The following SFMBT2 variants were observed in gnomAD, a reference collection of about 807,000 sequenced individuals.
The protein encoded by SFMBT2 is scm-like with four MBT domains protein 2.
SFMBT2 carries 38 observed loss-of-function variants against 110.1 expected under a neutral mutation model. The ratio of observed to expected loss-of-function variants is 0.35; its 90% confidence interval spans 0.27 to 0.45. The LOEUF is 0.45. SFMBT2 is among the 20% of genes least tolerant of loss of function. The pLI, the probability that SFMBT2 is intolerant of heterozygous loss-of-function variation, is 1.00. For synonymous variants in SFMBT2, 425 were observed against 425.4 expected (o/e 1.00, Z 0.01); for missense variants, 1,011 against 1,094.9 (o/e 0.92, Z 1.08).
At position 7,248,286 on chromosome 10, in the gene SFMBT2, G is replaced by A. The variant is rs373557933; in HGVS notation, c.972+262C>T. Among the ~76,000 whole-genome samples, 7 of 152,184 alleles carry A rather than the reference G, an allele frequency of 4.6e-5. No individual in the cohort carries two copies. The East Asian group carries it at 5.8e-4, about 13-fold the overall frequency. On this transcript the variant is annotated intron_variant, in intron 8 of 20. Coordinates refer to ENST00000397167, the MANE Select transcript of SFMBT2 (RefSeq NM_001387889.1). ...TTGTAATGATTACAACCTGCAACTCGTCAGTGGACAACTATCAGAAGACAA... is the reference window on the plus strand; with the variant it reads ...TTGTAATGATTACAACCTGCAACTCATCAGTGGACAACTATCAGAAGACAA...
intron 4 of SFMBT2, among the ~76,000 whole-genome samples, chr10:7,309,774 T>A (rs1564432648): frequency 6.6e-6 from 1 of 152,146 alleles, no homozygotes; most frequent in Non-Finnish European, 1.5e-5. Context: ...GCCTCTTACA[T>A]CCATAATAAT....
chr10:7,346,262 T>G (rs914731197), intron 4 of SFMBT2, among the ~76,000 whole-genome samples: 1 of 152,270 alleles, frequency 6.6e-6, no homozygotes, highest in Non-Finnish European at 1.5e-5. Flanking sequence ...TTTGTTTTAC[T>G]TCTAGACACT....
intron 1 of SFMBT2, among the ~76,000 whole-genome samples, chr10:7,402,471 C>G (rs527968887): frequency 2.6e-5 from 4 of 152,282 alleles, no homozygotes; most frequent in African/African-American, 9.6e-5. Context: ...TCTGAATTCC[C>G]AGGACTTGGT....
At chr10:7,353,041 A>G (rs775638424) in intron 4 of SFMBT2, among the ~76,000 whole-genome samples, 17 of 151,726 alleles carry the variant, frequency 1.1e-4, no homozygotes, top group African/African-American at 3.4e-4. Flanking sequence ...ATAAATAAAT[A>G]AAATAAGTAC....
At chr10:7,230,089 C>T (rs1241873535) in intron 9 of SFMBT2, among the ~76,000 whole-genome samples, 1 of 151,804 alleles carries the variant, frequency 6.6e-6, no homozygotes, top group African/African-American at 2.4e-5. Context: ...TTCTTGGGTC[C>T]CAGAGACTGA....
intron 2 of SFMBT2, among the ~76,000 whole-genome samples, chr10:7,378,606 T>C (rs1588495473): frequency 1.9e-5 from 2 of 103,710 alleles, no homozygotes; most frequent in Non-Finnish European, 3.9e-5. Context: ...GTGGGGTGGG[T>C]GTGAGTGTGG....
intron 7 of SFMBT2, among the ~76,000 whole-genome samples, chr10:7,254,822 G>A (rs1041746487): frequency 6.6e-6 from 1 of 152,070 alleles, no homozygotes; most frequent in South Asian, 2.1e-4. Context: ...GCAAGACTCC[G>A]TCTAAAAAAA....
chr10:7,342,414 T>TTTTC (rs1445617232), intron 4 of SFMBT2, among the ~76,000 whole-genome samples: 7 of 136,094 alleles, frequency 5.1e-5, no homozygotes, highest in African/African-American at 1.4e-4. Context: ...TTTTTTTTTT[T>TTTTC]TTTTTTTTTT....
In SFMBT2 at chr10:7,367,342, ACCCT is replaced by A. The variant is rs1844941103; in HGVS notation, c.436+303_436+306del. ...GATGTCCTTTCAGCCTTCCTTTCTT[ACCCT>A]CCAATTCCTGATGTCCTTTCAGCCT... On this transcript the variant is annotated intron_variant, in intron 4 of 20. Transcript: ENST00000397167. The surrounding 1 kb of genome is among the most constrained non-coding windows in gnomAD (Gnocchi z 6.2). Among the ~76,000 whole-genome samples the A allele has an allele frequency of 7.0e-6, 1 of 143,754 alleles. No individual in the cohort carries two copies. Among genetic ancestry groups the A allele is most frequent in the Non-Finnish European group, 1.5e-5 (1 of 66,732 alleles). The allele number at this position is 143,754 out of a possible 152,430, so 94.3% of individuals were successfully genotyped here.
intron 1 of SFMBT2, among the ~76,000 whole-genome samples, chr10:7,390,827 C>T (rs559580729): frequency 6.6e-6 from 1 of 152,298 alleles, no homozygotes; most frequent in Non-Finnish European, 1.5e-5. Context: ...AGGCCTGGTG[C>T]GTTGGCTCAT....
At chr10:7,179,185 G>A (rs960877895) in intron 16 of SFMBT2, among the ~76,000 whole-genome samples, 3 of 151,750 alleles carry the variant, frequency 2.0e-5, no homozygotes, top group African/African-American at 7.3e-5. Flanking sequence ...CTGATGGGTC[G>A]AGCTTGACTT....
chr10:7,181,996 A>C (rs1243379547), intron 16 of SFMBT2, among the ~76,000 whole-genome samples: 1 of 152,146 alleles, frequency 6.6e-6, no homozygotes, highest in Admixed American at 6.5e-5. Flanking sequence ...CAGGGGTTTG[A>C]GCTCCACGTG....
In SFMBT2 at chr10:7,204,369, C is replaced by T. The variant is rs1342843073; in HGVS notation, c.1444+1446G>A. 4.1e-6 allele frequency: 4 copies of T among 985,240 alleles called. No homozygotes were observed. The South Asian group carries it at 1.4e-4, about 35-fold the overall frequency. 61.0% of individuals were successfully genotyped at this position (985,240 alleles called of 1,614,324 possible). On this transcript the variant is annotated intron_variant, in intron 12 of 20. Coordinates refer to ENST00000397167, the MANE Select transcript of SFMBT2 (RefSeq NM_001387889.1). Reference sequence around the variant, plus strand: ...TCTACAGAAGTGGCCACAGAACAGGCTGTTAGGAAGAAGTAAAGTTGGTGC... The same window carrying T: ...TCTACAGAAGTGGCCACAGAACAGGTTGTTAGGAAGAAGTAAAGTTGGTGC...
intron 7 of SFMBT2, chr10:7,249,082 G>A (rs1840715255): frequency 1.0e-6 from 1 of 980,714 alleles, no homozygotes; most frequent in African/African-American, 1.8e-5. Flanking sequence ...CACCTCCCGT[G>A]TCTAAGAGCA....
At position 7,247,068 on chromosome 10, in the gene SFMBT2, T is replaced by C. The variant is rs145582767; in HGVS notation, c.972+1480A>G. Among the ~76,000 whole-genome samples the C allele has an allele frequency of 6.3e-4, 96 of 152,328 alleles. 1 individual carries two copies. The highest frequency in any genetic ancestry group is 3.4e-3 in the Middle Eastern group (1 of 294). Reference sequence around the variant, plus strand: ...CCAGATTATAAAGCAAAAGCCAATATATTTTTCTTTAAATAACCTTAAATA... The same window carrying C: ...CCAGATTATAAAGCAAAAGCCAATACATTTTTCTTTAAATAACCTTAAATA... On this transcript the variant is annotated intron_variant, in intron 8 of 20. Transcript: ENST00000397167.
At chr10:7,410,744 T>TC (rs1392318331) in intron 1 of SFMBT2, among the ~76,000 whole-genome samples, 117 bp downstream of exon 1, 6 of 150,588 alleles carry the variant, frequency 4.0e-5, no homozygotes, top group Admixed American at 2.6e-4. Flanking sequence ...TTTTTTTTTT[T>TC]TCCTTTTTTT....
chr10:7,163,559 C>T lies in SFMBT2; in HGVS notation c.*211G>A. ...GGCAGGGTCTGATGCATGACTTTAA[C>T]TGGCACTCCCCAGAAGCGACTGCTG... is the stretch of plus-strand genomic sequence containing the variant. On this transcript the variant is annotated 3_prime_UTR_variant, in exon 21 of 21. Coordinates refer to ENST00000397167, the MANE Select transcript of SFMBT2 (RefSeq NM_001387889.1). This position sits in a 1 kb window ranked among gnomAD's most constrained non-coding sequence, Gnocchi z 4.8. The T allele has an allele frequency of 1.9e-6, 1 of 526,400 alleles. No individual in the cohort carries two copies. Among genetic ancestry groups the T allele is most frequent in the Non-Finnish European group, 3.4e-6 (1 of 298,140 alleles). 32.6% of individuals were successfully genotyped at this position (526,400 alleles called of 1,614,324 possible). A position where few individuals can be genotyped will look rare whatever the true frequency, so the allele number is the denominator to read the frequency against.
Position 7,187,774 on chromosome 10 carries a change from G to A in SFMBT2, c.1808+850C>T, listed in dbSNP as rs554847288. On this transcript the variant is annotated intron_variant, in intron 16 of 20. Coordinates refer to ENST00000397167, the MANE Select transcript of SFMBT2 (RefSeq NM_001387889.1). ...AATTTTCACTATGAATAGGGCAGGTGCCTTCTCTAAAGGAGGCTTAGATAT... is the reference window on the plus strand; with the variant it reads ...AATTTTCACTATGAATAGGGCAGGTACCTTCTCTAAAGGAGGCTTAGATAT... 2.6e-5 allele frequency among the ~76,000 whole-genome samples: 4 copies of A among 152,274 alleles called. No homozygotes were observed. In the East Asian group the frequency reaches 7.7e-4, roughly 29 times the overall value.
At chr10:7,352,959 G>A (rs1017319215) in intron 4 of SFMBT2, among the ~76,000 whole-genome samples, 4 of 152,018 alleles carry the variant, frequency 2.6e-5, no homozygotes, top group South Asian at 2.1e-4. Flanking sequence ...GCAGTGAGCC[G>A]AGATCGTGCC....
Sources: allele counts gnomAD v4.1 joint callset (sites outside exome capture counted in the v4.1 genomes callset), GRCh38; gene constraint gnomAD v4.1.1; non-coding constraint Gnocchi (gnomAD v3.1); transcripts MANE v1.5; gene names NCBI Gene and HGNC (gene_info 2026-07-23, HGNC 2026-07-21).